CIDEB: variants seen among roughly 807,000 people sequenced by gnomAD.
CIDEB encodes the protein lipid transferase CIDEB.
Under a neutral mutation model 22.4 loss-of-function variants are expected in CIDEB, and 27 were observed. The ratio of observed to expected loss-of-function variants is 1.21; its 90% CI spans 0.89 to 1.66. The LOEUF is 1.66. CIDEB is among the 40% of genes most tolerant of loss of function. The probability of loss-of-function intolerance (pLI) is 0.00; values close to 1 mark genes in which losing one functional copy is unlikely to be tolerated. For missense variants in CIDEB, 289 were observed against 268.7 expected, an observed-to-expected ratio of 1.08 and a Z score of -0.53; for synonymous variants, 103 against 109.5, an observed-to-expected ratio of 0.94 and a Z score of 0.37.
chr14:24,307,561 G>A (rs767087110), intron 1 of CIDEB, 46 bp from the exon 2 acceptor site: 2 of 1,598,434 alleles, frequency 1.3e-6, no homozygotes, highest in South Asian at 1.1e-5. Context: ...GAGGGGCTTG[G>A]TGAGTGTAAA....
At chr14:24,311,412 G>A, upstream of CIDEB, 1 of 1,601,430 alleles carries the variant, frequency 6.2e-7, no homozygotes, top group Non-Finnish European at 8.5e-7. Context: ...GCAGGCGGTC[G>A]CAGCGCTGGC....
At chr14:24,307,181 T>C (rs1347278459) in intron 2 of CIDEB, 190 bp downstream of exon 2, 2 of 562,926 alleles carry the variant, frequency 3.6e-6, no homozygotes, top group Admixed American at 3.4e-5. Flanking sequence ...CCTGCTCCCA[T>C]AGAAAAGCTC....
Position 24,306,542 on chromosome 14 carries a change from C to G in CIDEB, c.187-19G>C. On this transcript the variant is annotated intron_variant, in intron 2 of 4. Transcript: ENST00000554411. ...CCAATGCCTGCCCAATGGCAAGAAG[C>G]AAGAAGGGCAGGTCTTATCCCATGC... 1 of 1,614,238 alleles carries G rather than the reference C, an allele frequency of 6.2e-7. No individual in the cohort carries two copies. Among genetic ancestry groups the G allele is most frequent in the Non-Finnish European group, 8.5e-7 (1 of 1,180,022 alleles).
At chr14:24,310,670 G>C, upstream of CIDEB, 1 of 1,614,072 alleles carries the variant, frequency 6.2e-7, no homozygotes. Context: ...GAAGGATGTC[G>C]GTCTGCTACC....
upstream of CIDEB, chr14:24,311,202 G>A (rs1304988906): frequency 1.9e-6 from 3 of 1,608,366 alleles, no homozygotes; most frequent in African/African-American, 1.3e-5. Context: ...CCACGCCGCC[G>A]CCCACCTGAG....
chr14:24,306,230 A>T (rs2041502825), intron 3 of CIDEB, 93 bp from the exon 4 acceptor site: 1 of 1,527,742 alleles, frequency 6.5e-7, no homozygotes, highest in South Asian at 1.2e-5. Flanking sequence ...CCTCGCTTGG[A>T]CTTTCTGTCC....
At chr14:24,310,342 G>T, upstream of CIDEB, 2 of 601,982 alleles carry the variant, frequency 3.3e-6, no homozygotes, top group Non-Finnish European at 5.9e-6. Context: ...AGAAGGAGGG[G>T]CCAGACTAGA....
At chr14:24,310,444 T>A, upstream of CIDEB, 1 of 686,210 alleles carries the variant, frequency 1.5e-6, no homozygotes, top group South Asian at 1.5e-5. Flanking sequence ...GTGGGGCAGG[T>A]CAACTGACTG....
At chr14:24,311,093 G>T, upstream of CIDEB, 1 of 1,563,024 alleles carries the variant, frequency 6.4e-7, no homozygotes, top group Admixed American at 1.8e-5. Flanking sequence ...GCCTGCTGCT[G>T]GCGGTCTGGC....
At chr14:24,311,145 C>T (rs2041688191), upstream of CIDEB, 1 of 1,596,118 alleles carries the variant, frequency 6.3e-7, no homozygotes, top group Non-Finnish European at 8.5e-7. Context: ...CGTCTACCGC[C>T]ACCTGTGGAG....
At chr14:24,310,805 CTGGCGGCCTGCACGG>C, upstream of CIDEB, 6 of 1,598,168 alleles carry the variant, frequency 3.8e-6, no homozygotes, top group Non-Finnish European at 5.1e-6. Context: ...GCTTGGCGGG[CTGGCGGCCTGCACGG>C]GGGCGACCGC....
At chr14:24,307,343 T>C (rs746530215) in intron 2 of CIDEB, 28 bp downstream of exon 2, 11 of 1,601,370 alleles carry the variant, frequency 6.9e-6, no homozygotes, top group African/African-American at 2.7e-5. Flanking sequence ...ACCCCTGCTA[T>C]AGGAACCGAG....
At position 24,305,938 on chromosome 14, in the gene CIDEB, A is replaced by G; in HGVS notation, c.527+9T>C. ...GGGGATGGGGCAGTATGACATGTTGATTTCTGACCTGAGTACTTTCTTTGG... is the reference window on the plus strand; with the variant it reads ...GGGGATGGGGCAGTATGACATGTTGGTTTCTGACCTGAGTACTTTCTTTGG... On this transcript the variant is annotated intron_variant, in intron 4 of 4. Coordinates refer to ENST00000554411, the MANE Select transcript of CIDEB (RefSeq NM_001393339.1). 6.2e-7 allele frequency: 1 copy of G among 1,611,212 alleles called. No individual in the cohort carries two copies. Among genetic ancestry groups the G allele is most frequent in the Non-Finnish European group, 8.5e-7 (1 of 1,178,242 alleles).
Position 24,306,081 on chromosome 14 carries a change from G to A in CIDEB, c.393C>T (p.Ile131=), listed in dbSNP as rs139893717. The change falls in exon 4 of 5, where the codon ATC becomes ATT. Residue 131 remains isoleucine, a synonymous_variant. Transcript: ENST00000554411. ...TGTACACGTCAAAGGTGAATCGGGCGATGTCCTTGCTGTGCTTGGGCCTCT... is the reference window on the plus strand; with the variant it reads ...TGTACACGTCAAAGGTGAATCGGGCAATGTCCTTGCTGTGCTTGGGCCTCT... The part of the protein sequence containing the change: ...GRERPKHSKD[I]ARFTFDVYKQ... 10,803 of 1,614,120 alleles carry A rather than the reference G, an allele frequency of 6.7e-3. 54 individuals carry two copies. The highest frequency in any genetic ancestry group is 8.1e-3 in the Non-Finnish European group (9,590 of 1,180,018).
chr14:24,305,966 C>A lies in CIDEB; in HGVS notation c.508G>T (p.Gly170Cys). 1 of 1,613,748 alleles carries A rather than the reference C, an allele frequency of 6.2e-7. No individual in the cohort carries two copies. Among genetic ancestry groups the A allele is most frequent in the Non-Finnish European group, 8.5e-7 (1 of 1,179,806 alleles). The change falls in exon 4 of 5, where the codon GGC becomes TGC. Residue 170 changes from glycine (G) to cysteine (C), a missense_variant. Gly to Cys is a radical substitution (Grantham distance 159). Coordinates refer to ENST00000554411, the MANE Select transcript of CIDEB (RefSeq NM_001393339.1). Reference protein sequence around the residue: ...YSMSCDFQGLGPKKVLRELLR... With the variant: ...YSMSCDFQGLCPKKVLRELLR... ...TCTGACCTGAGTACTTTCTTTGGGCCAAGTCCTTGAAAGTCACAACTCATA... is the reference window on the plus strand; with the variant it reads ...TCTGACCTGAGTACTTTCTTTGGGCAAAGTCCTTGAAAGTCACAACTCATA...
upstream of CIDEB, chr14:24,311,356 T>C: frequency 6.2e-7 from 1 of 1,605,494 alleles, no homozygotes; most frequent in Non-Finnish European, 8.5e-7. Context: ...GCCATCGTGC[T>C]TGCCTTCGGC....
upstream of CIDEB, chr14:24,311,049 G>A (rs1394112772): frequency 1.3e-6 from 2 of 1,575,238 alleles, no homozygotes; most frequent in Non-Finnish European, 1.7e-6. Flanking sequence ...CCCCTTCCTG[G>A]CGCCTCGGCT....
At chr14:24,305,836 G>A in intron 4 of CIDEB, 71 bp from the exon 5 acceptor site, 1 of 1,594,014 alleles carries the variant, frequency 6.3e-7, no homozygotes, top group Non-Finnish European at 8.6e-7. Flanking sequence ...GCTGGGAGAT[G>A]AGGACTTTCC....
Position 24,306,440 on chromosome 14 carries a change from G to A in CIDEB, c.270C>T (p.Phe90=). ...DGTAVDSEDF[F]QLLEDDTCLM... ...GGCACGTGTCATCCTCCAGCAGCTG[G>A]AAGAAGTCCTCACTGTCCACTGCAG... Residue 90 remains phenylalanine, a synonymous_variant, in exon 3 of 5, where the codon TTC becomes TTT. Coordinates refer to ENST00000554411, the MANE Select transcript of CIDEB (RefSeq NM_001393339.1). 1.2e-6 allele frequency: 2 copies of A among 1,614,242 alleles called. No individual in the cohort carries two copies. Among genetic ancestry groups the A allele is most frequent in the African/African-American group, 1.3e-5 (1 of 75,054 alleles).
Sources: allele counts gnomAD v4.1 joint callset, GRCh38; gene constraint gnomAD v4.1.1; transcripts MANE v1.5; gene names NCBI Gene and HGNC (gene_info 2026-07-23, HGNC 2026-07-21).